The following POLH variants were observed in gnomAD, a reference collection of about 807,000 sequenced individuals.
POLH encodes the protein DNA polymerase eta transcript.
Under a neutral mutation model 73.6 loss-of-function variants are expected in POLH, and 53 were observed. That is an observed-to-expected ratio of 0.72 (90% CI 0.58 to 0.91). The LOEUF (loss-of-function observed/expected upper bound fraction) is 0.91. POLH is among the 40% of genes least tolerant of loss of function. The probability of loss-of-function intolerance (pLI) is 0.00; values close to 1 mark genes in which losing one functional copy is unlikely to be tolerated. For missense variants in POLH, 768 were observed against 865.4 expected (o/e 0.89, Z 1.41); for synonymous variants, 292 against 308.5 (o/e 0.95, Z 0.56).
At chr6:43,580,738 G>A (rs1204923500) in intron 1 of POLH, among the ~76,000 whole-genome samples, 5 of 133,368 alleles carry the variant, frequency 3.7e-5, no homozygotes, top group East Asian at 2.3e-4. Flanking sequence ...CCTCCCTCCC[G>A]GACGGGGCGG....
chr6:43,598,201 C>CAAAAAAAAAAAAAAAAAAA (rs560020212), intron 5 of POLH, among the ~76,000 whole-genome samples: 11 of 73,330 alleles, frequency 1.5e-4, no homozygotes, highest in African/African-American at 5.1e-4. Context: ...AGACTGTCAC[C>CAAAAAAAAAAAAAAAAAAA]AAAAAAAAAA....
At chr6:43,608,793 A>G (rs1213332863) in intron 9 of POLH, among the ~76,000 whole-genome samples, 5 of 152,204 alleles carry the variant, frequency 3.3e-5, no homozygotes, top group East Asian at 1.9e-4. Flanking sequence ...AGCAGATCCT[A>G]TCACTTCACT....
At chr6:43,582,516 T>A in intron 2 of POLH, 60 bp downstream of exon 2, 1 of 1,553,850 alleles carries the variant, frequency 6.4e-7, no homozygotes, top group Admixed American at 1.7e-5. Context: ...CTGTGGCAGG[T>A]CCTTTGTTGT....
chr6:43,612,044 G>A (rs1364922386), intron 10 of POLH, among the ~76,000 whole-genome samples: 1 of 151,906 alleles, frequency 6.6e-6, no homozygotes, highest in Non-Finnish European at 1.5e-5. Flanking sequence ...CAACAAGAGC[G>A]AAATTCCGTC....
Position 43,619,496 on chromosome 6 carries a change from A to G in POLH, c.*4939A>G, listed in dbSNP as rs1164233545. Among the ~76,000 whole-genome samples the G allele has an allele frequency of 5.3e-5, 8 of 151,834 alleles. No individual in the cohort carries two copies. The highest frequency in any genetic ancestry group is 1.7e-4 in the African/African-American group (7 of 41,326). ...TGCTTTGCACATGATAGGTGCTGAT[A>G]CTCATTGGATGAATGTATATAGTGA... On this transcript the variant is annotated 3_prime_UTR_variant, in exon 11 of 11. Coordinates refer to ENST00000372236, the MANE Select transcript of POLH (RefSeq NM_006502.3).
chr6:43,619,485 T>C lies in POLH; in HGVS notation c.*4928T>C, dbSNP rs556045922. On this transcript the variant is annotated 3_prime_UTR_variant, in exon 11 of 11. Coordinates refer to ENST00000372236, the MANE Select transcript of POLH (RefSeq NM_006502.3). ...ATTCTTCATAGTGCTTTGCACATGA[T>C]AGGTGCTGATACTCATTGGATGAAT... is the stretch of plus-strand genomic sequence containing the variant. Among the ~76,000 whole-genome samples the C allele has an allele frequency of 1.0e-3, 155 of 151,648 alleles. No individual in the cohort carries two copies. The highest frequency in any genetic ancestry group is 2.0e-3 in the Non-Finnish European group (135 of 67,926).
At chr6:43,598,879 G>C (rs1766413090) in intron 5 of POLH, among the ~76,000 whole-genome samples, 1 of 151,786 alleles carries the variant, frequency 6.6e-6, no homozygotes, top group African/African-American at 2.4e-5. Flanking sequence ...CAGATATTGA[G>C]AGATGACAGT....
At chr6:43,576,487 A>G (rs1018557648) in intron 1 of POLH, 47 bp downstream of exon 1, 1 of 152,172 alleles carries the variant, frequency 6.6e-6, no homozygotes, top group Non-Finnish European at 1.5e-5. Context: ...CAGACTTTCT[A>G]TGTTGCCTTG....
At chr6:43,584,071 A>T (rs1176583024) in intron 3 of POLH, among the ~76,000 whole-genome samples, 2 of 152,310 alleles carry the variant, frequency 1.3e-5, no homozygotes, top group East Asian at 3.9e-4. Context: ...TGAGCCTGGG[A>T]GGCAGAGGTT....
rs1249764640 is a variant in POLH, at chr6:43,613,991, A to G, written c.1576A>G (p.Thr526Ala). ...ATTACCTTTTCAAACCAGTCAAAGT[A>G]CAGGAACTGAGCCCTTCTTTAAGCA... ...PSLPFQTSQS[T>A]GTEPFFKQKS... Residue 526 changes from threonine to alanine, a missense_variant, in exon 11 of 11, where the codon ACA becomes GCA. Coordinates refer to ENST00000372236, the MANE Select transcript of POLH (RefSeq NM_006502.3). 2 of 1,614,112 alleles carry G rather than the reference A, an allele frequency of 1.2e-6. No individual in the cohort carries two copies. The highest frequency in any genetic ancestry group is 8.5e-7 in the Non-Finnish European group (1 of 1,180,034).
At chr6:43,599,937 T>TCC (rs1766537527) in intron 5 of POLH, among the ~76,000 whole-genome samples, 2 of 152,004 alleles carry the variant, frequency 1.3e-5, no homozygotes, top group Admixed American at 6.6e-5. Context: ...GGCTGGTGGA[T>TCC]CACCTGAGGT....
chr6:43,607,284 A>G (rs766498884), intron 9 of POLH, among the ~76,000 whole-genome samples: 19 of 152,060 alleles, frequency 1.2e-4, no homozygotes, highest in Non-Finnish European at 2.5e-4. Context: ...TAGTAGAGAT[A>G]GGGTTTCACC....
intron 4 of POLH, among the ~76,000 whole-genome samples, 168 bp downstream of exon 4, chr6:43,587,657 A>G (rs981045009): frequency 4.6e-5 from 7 of 152,230 alleles, no homozygotes; most frequent in Admixed American, 3.9e-4. Context: ...TTCCAGGTAT[A>G]TGGCTGTTGA....
chr6:43,589,978 G>A (rs1418411043), intron 4 of POLH, among the ~76,000 whole-genome samples: 1 of 151,796 alleles, frequency 6.6e-6, no homozygotes, highest in East Asian at 1.9e-4. Context: ...AAAAAATTGT[G>A]ATATAATCTG....
rs555305487 is a variant in POLH at position 43,595,583 on chromosome 6, T to TA, written c.491-2105dup. ...TAACATGGTGAAACCCCATCCCTAC[T>TA]AAAAAAAATACAAAAAAATTAGCCG... On this transcript the variant is annotated intron_variant, in intron 4 of 10. Transcript: ENST00000372236. Among the ~76,000 whole-genome samples, 313 of 151,736 alleles carry TA rather than the reference T, an allele frequency of 2.1e-3. 4 individuals carry two copies. The highest frequency in any genetic ancestry group is 0.018 in the Admixed American group (276 of 15,242).
chr6:43,583,166 A>C, intron 3 of POLH, 25 bp downstream of exon 3: 2 of 1,610,358 alleles, frequency 1.2e-6, no homozygotes, highest in Middle Eastern at 1.7e-4. Flanking sequence ...TTATTTAAGG[A>C]GACATAAAGG....
chr6:43,614,286 C>T lies in POLH; in HGVS notation c.1871C>T (p.Pro624Leu), dbSNP rs764994997. The T allele has an allele frequency of 6.3e-7, 1 of 1,598,714 alleles. No homozygotes were observed. The stretch of plus-strand genomic sequence containing the variant: ...GTGACTCAGAAAGCAACCCCAAATC[C>T]AAGTCTTCTAGCTGCTGAGGACCAA... Reference protein sequence around the residue: ...LEVTQKATPNPSLLAAEDQVP... With the variant: ...LEVTQKATPNLSLLAAEDQVP... The change falls in exon 11 of 11, where the codon CCA becomes CTA. Residue 624 changes from proline (P) to leucine (L), a missense_variant. Physicochemically the swap from Pro to Leu is moderately conservative, Grantham distance 98. Coordinates refer to ENST00000372236, the MANE Select transcript of POLH (RefSeq NM_006502.3).
chr6:43,614,703 C>T lies in POLH; in HGVS notation c.*146C>T, dbSNP rs946238520. On this transcript the variant is annotated 3_prime_UTR_variant, in exon 11 of 11. Transcript: ENST00000372236. Reference sequence around the variant, plus strand: ...AATAATCCATTTAGGTGCTGAGTTACGGTCCCATCTCTTCACAGGCATGGA... The same window carrying T: ...AATAATCCATTTAGGTGCTGAGTTATGGTCCCATCTCTTCACAGGCATGGA... The T allele has an allele frequency of 1.0e-5, 7 of 693,558 alleles. No homozygotes were observed. The highest frequency in any genetic ancestry group is 4.0e-5 in the South Asian group (2 of 50,506). The allele number at this position is 693,558 out of a possible 1,614,324, so 43.0% of individuals were successfully genotyped here. A position where few individuals can be genotyped will look rare whatever the true frequency, so the allele number is the denominator to read the frequency against.
At chr6:43,595,562 AT>A (rs1765951152) in intron 4 of POLH, among the ~76,000 whole-genome samples, 1 of 152,112 alleles carries the variant, frequency 6.6e-6, no homozygotes, top group South Asian at 2.1e-4. Context: ...CCTGGCTAAC[AT>A]GGTGAAACCC....
Sources: gnomAD v4.1 joint callset for allele counts (sites outside exome capture counted in the v4.1 genomes callset) on GRCh38, gnomAD v4.1.1 for gene constraint, MANE v1.5 for transcripts, NCBI Gene and HGNC (gene_info 2026-07-23, HGNC 2026-07-21) for gene names.